Variants in TMED5 observed in about 807,000 individuals in gnomAD.
TMED5 encodes transmembrane p24 trafficking protein 5.
A neutral mutation model predicts 23.0 loss-of-function variants in TMED5; 27 were observed. The ratio of observed to expected loss-of-function variants is 1.17; its 90% CI spans 0.86 to 1.62. The LOEUF is 1.62. Ranked by LOEUF, TMED5 falls within the 40% of genes most tolerant of loss-of-function variation. The probability of loss-of-function intolerance (pLI) is 0.00; values close to 1 mark genes in which losing one functional copy is unlikely to be tolerated. For synonymous variants in TMED5, 97 were observed against 100.8 expected, an observed-to-expected ratio of 0.96 and a Z score of 0.23; for missense variants, 248 against 273.7, an observed-to-expected ratio of 0.91 and a Z score of 0.66.
chr1:93,175,656 T>C (rs927824920), intron 1 of TMED5, among the ~76,000 whole-genome samples: 3 of 151,858 alleles, frequency 2.0e-5, no homozygotes, highest in African/African-American at 4.8e-5. Flanking sequence ...TTAGATGAAA[T>C]GGCCAGTTTA....
intron 1 of TMED5, among the ~76,000 whole-genome samples, chr1:93,165,622 A>T (rs1648475591): frequency 6.6e-6 from 1 of 152,248 alleles, no homozygotes; most frequent in Admixed American, 6.5e-5. Context: ...AGATGTTTTG[A>T]TATAGGCATG....
intron 1 of TMED5, among the ~76,000 whole-genome samples, chr1:93,167,154 G>T (rs1222932335): frequency 6.6e-6 from 1 of 152,056 alleles, no homozygotes; most frequent in East Asian, 1.9e-4. Context: ...TGCCATTTTG[G>T]TTACTATATC....
At chr1:93,160,262 C>T in intron 1 of TMED5, 36 bp from the exon 2 acceptor site, 1 of 1,312,108 alleles carries the variant, frequency 7.6e-7, no homozygotes, top group South Asian at 1.2e-5. Flanking sequence ...ACATATATTA[C>T]AAATTCTGGA....
intron 1 of TMED5, among the ~76,000 whole-genome samples, chr1:93,173,392 T>G (rs1306398923): frequency 2.0e-5 from 3 of 152,114 alleles, no homozygotes; most frequent in Non-Finnish European, 4.4e-5. Context: ...GCTGAAGAAA[T>G]TATCCATAAA....
chr1:93,175,202 A>ATATATATATATAC (rs1557579120), intron 1 of TMED5, among the ~76,000 whole-genome samples: 1 of 93,750 alleles, frequency 1.1e-5, no homozygotes, highest in African/African-American at 7.9e-5. Context: ...TATATATATA[A>ATATATATATATAC]ATGGACCTCA....
chr1:93,156,231 A>G, intron 3 of TMED5, 69 bp downstream of exon 3: 1 of 1,398,840 alleles, frequency 7.1e-7, no homozygotes, highest in Non-Finnish European at 1.0e-6. Context: ...TGCTTAGTTC[A>G]GTAACTTATT....
intron 2 of TMED5, among the ~76,000 whole-genome samples, chr1:93,157,941 G>A (rs945574691): frequency 8.6e-5 from 13 of 151,914 alleles, no homozygotes; most frequent in Middle Eastern, 3.2e-3. Context: ...TGGCTAACAC[G>A]GTGAAACCCC....
Position 93,153,369 on chromosome 1 carries a change from A to G in TMED5, c.*1301T>C, listed in dbSNP as rs1184450388. 1 of 152,118 alleles carries G rather than the reference A, an allele frequency of 6.6e-6. No homozygotes were observed. Among genetic ancestry groups the G allele is most frequent in the Non-Finnish European group, 1.5e-5 (1 of 67,966 alleles). 9.4% of individuals were successfully genotyped at this position (152,118 alleles called of 1,614,324 possible). ...AGTGTTCAGAAAGGCCATTTTAATA[A>G]AAGTTGTTATAATAAAAATTTTTAA... On this transcript the variant is annotated 3_prime_UTR_variant, in exon 4 of 4. Coordinates refer to ENST00000370282, the MANE Select transcript of TMED5 (RefSeq NM_016040.5).
chr1:93,161,654 C>G (rs890990162), intron 1 of TMED5: 1 of 152,196 alleles, frequency 6.6e-6, no homozygotes, highest in South Asian at 2.1e-4. Context: ...CTGTCCAGTT[C>G]TCTCACACTC....
At chr1:93,171,880 A>C (rs1381612646) in intron 1 of TMED5, among the ~76,000 whole-genome samples, 1 of 152,220 alleles carries the variant, frequency 6.6e-6, no homozygotes, top group East Asian at 1.9e-4. Flanking sequence ...GATTTGTTCC[A>C]AGTATATAAG....
chr1:93,157,184 G>T (rs1442373238), intron 2 of TMED5, among the ~76,000 whole-genome samples: 1 of 152,116 alleles, frequency 6.6e-6, no homozygotes, highest in African/African-American at 2.4e-5. Context: ...AGCAGTGATG[G>T]ATTGTCCTAA....
intron 3 of TMED5, among the ~76,000 whole-genome samples, chr1:93,155,153 G>A (rs987653791): frequency 1.3e-5 from 2 of 152,288 alleles, no homozygotes; most frequent in Admixed American, 1.3e-4. Context: ...TTGAGTCCAG[G>A]AGGTTGAGAT....
chr1:93,172,444 A>G (rs1403853843), intron 1 of TMED5, among the ~76,000 whole-genome samples: 1 of 152,180 alleles, frequency 6.6e-6, no homozygotes, highest in Admixed American at 6.5e-5. Flanking sequence ...AAAAAATACA[A>G]TACCATTTAC....
chr1:93,175,749 A>G (rs1363454357), intron 1 of TMED5, among the ~76,000 whole-genome samples: 1 of 152,144 alleles, frequency 6.6e-6, no homozygotes, highest in African/African-American at 2.4e-5. Context: ...ATATTCTCCC[A>G]AAAACTCACC....
chr1:93,168,858 G>A (rs765663266), intron 1 of TMED5, among the ~76,000 whole-genome samples: 3 of 152,030 alleles, frequency 2.0e-5, no homozygotes, highest in Non-Finnish European at 2.9e-5. Flanking sequence ...AGGGGCGGGC[G>A]GGCATTACCT....
intron 1 of TMED5, among the ~76,000 whole-genome samples, chr1:93,170,547 C>G (rs116851417): frequency 5.9e-5 from 9 of 152,178 alleles, no homozygotes; most frequent in African/African-American, 1.7e-4. Context: ...CAAGCCTCCC[C>G]GAAGAGCGCC....
chr1:93,172,112 T>C (rs1457908735), intron 1 of TMED5, among the ~76,000 whole-genome samples: 1 of 152,096 alleles, frequency 6.6e-6, no homozygotes, highest in African/African-American at 2.4e-5. Context: ...AGATCACACT[T>C]AATGGCGAGA....
intron 1 of TMED5, among the ~76,000 whole-genome samples, chr1:93,176,594 T>C (rs1455984380): frequency 6.6e-6 from 1 of 152,134 alleles, no homozygotes; most frequent in East Asian, 1.9e-4. Context: ...AGTACAGTGG[T>C]GTGATCACAG....
chr1:93,166,659 A>G (rs1648520591), intron 1 of TMED5, among the ~76,000 whole-genome samples: 1 of 151,906 alleles, frequency 6.6e-6, no homozygotes, highest in Non-Finnish European at 1.5e-5. Flanking sequence ...TATTCTGGTT[A>G]TTTATCCCTT....
Sources: gnomAD v4.1 joint callset for allele counts (sites outside exome capture counted in the v4.1 genomes callset) on GRCh38, gnomAD v4.1.1 for gene constraint, MANE v1.5 for transcripts, NCBI Gene and HGNC (gene_info 2026-07-23, HGNC 2026-07-21) for gene names.